Variants in ABI2 observed in about 807,000 individuals in gnomAD.
ABI2 encodes abl interactor 2.
A neutral mutation model predicts 59.2 loss-of-function variants in ABI2; 25 were observed. That is an observed-to-expected ratio of 0.42 (90% CI 0.31 to 0.59). The LOEUF (loss-of-function observed/expected upper bound fraction) is 0.59, where lower values mean the gene tolerates loss of function less well. Among genes scored for constraint, ABI2 ranks in the 20% least tolerant of loss-of-function variants. ABI2 has a pLI of 0.14. For missense variants in ABI2, 545 were observed against 681.8 expected, an observed-to-expected ratio of 0.80 and a Z score of 2.23; for synonymous variants, 213 against 235.5, an observed-to-expected ratio of 0.90 and a Z score of 0.87.
At chr2:203,422,248 G>C (rs1231851418) in intron 11 of ABI2, among the ~76,000 whole-genome samples, 1 of 110,286 alleles carries the variant, frequency 9.1e-6, no homozygotes, top group African/African-American at 3.7e-5. Context: ...GCAGTGAGCT[G>C]CGATTGCACC....
chr2:203,413,524 C>T (rs1463650470), intron 10 of ABI2, among the ~76,000 whole-genome samples: 1 of 152,198 alleles, frequency 6.6e-6, no homozygotes, highest in African/African-American at 2.4e-5. Context: ...ACCACCCTAT[C>T]ACAGTTGATT....
At chr2:203,399,294 A>C (rs186507590) in intron 8 of ABI2, among the ~76,000 whole-genome samples, 2 of 152,122 alleles carry the variant, frequency 1.3e-5, no homozygotes, top group African/African-American at 4.8e-5. Flanking sequence ...CTTAATGACT[A>C]ATGATATTGA....
chr2:203,416,830 A>G (rs1247218426), intron 10 of ABI2, 78 bp from the exon 11 acceptor site: 1 of 1,414,824 alleles, frequency 7.1e-7, no homozygotes, highest in Non-Finnish European at 9.5e-7. Context: ...TTTATATTCC[A>G]TGAACCCAGA....
chr2:203,345,177 G>A (rs924753155), intron 1 of ABI2, among the ~76,000 whole-genome samples: 14 of 152,180 alleles, frequency 9.2e-5, no homozygotes, highest in African/African-American at 2.7e-4. Flanking sequence ...TTGAAGGTCT[G>A]CAGCTTCACT....
At chr2:203,376,163 A>G (rs1271368231) in intron 2 of ABI2, 23 of 1,480,636 alleles carry the variant, frequency 1.6e-5, no homozygotes, top group East Asian at 2.5e-5. Context: ...TCCTTCCTCT[A>G]TAGATCTTTG....
At position 203,338,239 on chromosome 2, in the gene ABI2, T is replaced by C. The variant is rs567609743; in HGVS notation, c.117+9608T>C. Among the ~76,000 whole-genome samples, 26 of 152,380 alleles carry C rather than the reference T, an allele frequency of 1.7e-4. No homozygotes were observed. In the East Asian group the frequency reaches 4.2e-3, roughly 25 times the overall value. ...GCAAAAGAATGAAATTTGATTGTTA[T>C]ATCACACATACAAATTAGCTAGAAA... is the stretch of plus-strand genomic sequence containing the variant. On this transcript the variant is annotated intron_variant, in intron 1 of 11. Coordinates refer to ENST00000261018, the MANE Select transcript of ABI2 (RefSeq NM_001375670.1).
chr2:203,373,570 C>T (rs1167204381), intron 2 of ABI2, among the ~76,000 whole-genome samples: 1 of 151,994 alleles, frequency 6.6e-6, no homozygotes, highest in Non-Finnish European at 1.5e-5. Flanking sequence ...TTTTTCTTTG[C>T]TAGTAAAATT....
intron 9 of ABI2, among the ~76,000 whole-genome samples, chr2:203,405,186 G>T (rs1370092257): frequency 6.6e-6 from 1 of 152,150 alleles, no homozygotes; most frequent in African/African-American, 2.4e-5. Context: ...GCTCTATTAA[G>T]TTCTGCCTTT....
intron 1 of ABI2, among the ~76,000 whole-genome samples, chr2:203,339,975 A>G (rs2078932739): frequency 6.6e-6 from 1 of 152,206 alleles, no homozygotes; most frequent in Non-Finnish European, 1.5e-5. Flanking sequence ...TTGTTTGAAA[A>G]TAATCTGTAT....
chr2:203,422,960 T>C (rs1250535146), intron 11 of ABI2, among the ~76,000 whole-genome samples: 5 of 152,210 alleles, frequency 3.3e-5, no homozygotes, highest in Admixed American at 1.3e-4. Flanking sequence ...ATAAATAAAA[T>C]GATGTCAACT....
intron 2 of ABI2, among the ~76,000 whole-genome samples, chr2:203,374,152 C>G (rs992025051): frequency 6.6e-6 from 1 of 151,994 alleles, no homozygotes; most frequent in East Asian, 1.9e-4. Context: ...GAGTGAGACA[C>G]TGTCTCAACA....
intron 1 of ABI2, 90 bp from the exon 2 acceptor site, chr2:203,366,787 A>G: frequency 7.7e-7 from 1 of 1,301,022 alleles, no homozygotes; most frequent in Non-Finnish European, 1.0e-6. Context: ...TGGACTCAGC[A>G]GAATCGTTGT....
intron 1 of ABI2, among the ~76,000 whole-genome samples, chr2:203,341,023 T>C (rs999895174): frequency 6.6e-6 from 1 of 152,216 alleles, no homozygotes; most frequent in African/African-American, 2.4e-5. Flanking sequence ...GTATTTGTTA[T>C]GCCCTCTGCC....
Position 203,419,968 on chromosome 2 carries a change from A to G in ABI2, c.1453+2887A>G, listed in dbSNP as rs144653441. Among the ~76,000 whole-genome samples, 120 of 152,330 alleles carry G rather than the reference A, an allele frequency of 7.9e-4. 1 individual carries two copies. The highest frequency in any genetic ancestry group is 3.4e-3 in the Middle Eastern group (1 of 294). ...GCCCCATTGCACTCCAGCCTGGGCA[A>G]CAAGAGCGAAACTCCATCTCCAAGA... is the stretch of plus-strand genomic sequence containing the variant. On this transcript the variant is annotated intron_variant, in intron 11 of 11. Transcript: ENST00000261018.
intron 9 of ABI2, among the ~76,000 whole-genome samples, chr2:203,410,010 T>C (rs2097589075): frequency 6.6e-6 from 1 of 152,174 alleles, no homozygotes; most frequent in Admixed American, 6.5e-5. Flanking sequence ...TTCCTAGCCA[T>C]ATGGAAACAT....
intron 4 of ABI2, among the ~76,000 whole-genome samples, chr2:203,384,424 A>G (rs2096366037): frequency 1.3e-5 from 2 of 149,942 alleles, no homozygotes; most frequent in African/African-American, 4.9e-5. Context: ...CTCCTGCCTC[A>G]GCTTCCTGAG....
chr2:203,387,276 AATATT>A (rs1188546061), intron 4 of ABI2, among the ~76,000 whole-genome samples: 1 of 152,124 alleles, frequency 6.6e-6, no homozygotes, highest in Non-Finnish European at 1.5e-5. Context: ...ATTTGTAATG[AATATT>A]ATATCAGTAT....
At chr2:203,397,377 CTG>C (rs1338567259) in intron 8 of ABI2, among the ~76,000 whole-genome samples, 2 of 152,150 alleles carry the variant, frequency 1.3e-5, no homozygotes, top group Admixed American at 6.5e-5. Flanking sequence ...TGGAAAGCCT[CTG>C]TAAGTCTATT....
chr2:203,369,500 T>A (rs961538426), intron 2 of ABI2, among the ~76,000 whole-genome samples: 2 of 152,180 alleles, frequency 1.3e-5, no homozygotes, highest in Non-Finnish European at 2.9e-5. Context: ...CCACCCTAGA[T>A]TTTGAGTATA....
Sources: gnomAD v4.1 joint callset for allele counts (sites outside exome capture counted in the v4.1 genomes callset) on GRCh38, gnomAD v4.1.1 for gene constraint, MANE v1.5 for transcripts, NCBI Gene and HGNC (gene_info 2026-07-23, HGNC 2026-07-21) for gene names.